SP100: variants seen among roughly 807,000 people sequenced by gnomAD.
SP100 encodes SP100 nuclear body protein, also known as nuclear autoantigen Sp-100.
A neutral mutation model predicts 130.0 loss-of-function variants in SP100; 84 were observed. The observed-to-expected ratio is 0.65, with a 90% CI of 0.54 to 0.77. The LOEUF (loss-of-function observed/expected upper bound fraction) is 0.77, where lower values mean the gene tolerates loss of function less well. Ranked by LOEUF, SP100 falls within the 30% of genes least tolerant of loss-of-function variation. The pLI, the probability that SP100 is intolerant of heterozygous loss-of-function variation, is 0.00. For missense variants in SP100, 978 were observed against 1,052.2 expected, an observed-to-expected ratio of 0.93 and a Z score of 0.97; for synonymous variants, 331 against 351.7, an observed-to-expected ratio of 0.94 and a Z score of 0.66.
intron 4 of SP100, among the ~76,000 whole-genome samples, chr2:230,446,498 G>C (rs1366345254): frequency 6.6e-6 from 1 of 152,188 alleles, no homozygotes; most frequent in Non-Finnish European, 1.5e-5. Context: ...TCTCCCCAGG[G>C]AATTCCCCAG....
Position 230,416,238 on chromosome 2 carries a change from G to A in SP100, c.-59G>A. On this transcript the variant is annotated 5_prime_UTR_variant, in exon 1 of 29. Coordinates refer to ENST00000340126, the MANE Select transcript of SP100 (RefSeq NM_001080391.2). ...GGCAGCCACACTGCACGCAGGCTGG[G>A]CCGACTGAGGGGCTCAGAGGCCAGG... 1 of 1,485,448 alleles carries A rather than the reference G, an allele frequency of 6.7e-7. No homozygotes were observed. Among genetic ancestry groups the A allele is most frequent in the Non-Finnish European group, 9.4e-7 (1 of 1,069,226 alleles). 92.0% of individuals were successfully genotyped at this position (1,485,448 alleles called of 1,614,324 possible).
chr2:230,498,056 T>C (rs905851356), intron 18 of SP100, among the ~76,000 whole-genome samples: 1 of 152,218 alleles, frequency 6.6e-6, no homozygotes, highest in Non-Finnish European at 1.5e-5. Flanking sequence ...AGTTTCTTCA[T>C]TGGTCATAGG....
chr2:230,477,504 G>T (rs182423319), intron 17 of SP100, among the ~76,000 whole-genome samples: 2 of 152,040 alleles, frequency 1.3e-5, no homozygotes, highest in Admixed American at 6.5e-5. Flanking sequence ...TCTACAGGGG[G>T]TTTGCCTTTC....
chr2:230,488,785 GT>G (rs1339871105), intron 17 of SP100, among the ~76,000 whole-genome samples: 2 of 152,160 alleles, frequency 1.3e-5, no homozygotes, highest in African/African-American at 2.4e-5. Context: ...TAATCATGTG[GT>G]TTTTGTCTTT....
At chr2:230,533,248 GTTAA>G (rs1575815466) in intron 24 of SP100, among the ~76,000 whole-genome samples, 1 of 152,174 alleles carries the variant, frequency 6.6e-6, no homozygotes, top group Non-Finnish European at 1.5e-5. Context: ...GGAGAGAAAA[GTTAA>G]TTGTCTTTAT....
At chr2:230,469,001 T>C (rs776603894) in intron 13 of SP100, 42 bp from the exon 14 acceptor site, 1 of 1,227,456 alleles carries the variant, frequency 8.1e-7, no homozygotes, top group Non-Finnish European at 1.2e-6. Flanking sequence ...TTATAGATCT[T>C]TTAGTTAGAT....
chr2:230,424,537 A>C (rs1229674701), intron 2 of SP100, among the ~76,000 whole-genome samples: 1 of 152,002 alleles, frequency 6.6e-6, no homozygotes, highest in Non-Finnish European at 1.5e-5. Flanking sequence ...GCGTGGTGGC[A>C]GGCACCTGTA....
At chr2:230,476,568 T>C (rs987622344) in intron 17 of SP100, among the ~76,000 whole-genome samples, 3 of 152,328 alleles carry the variant, frequency 2.0e-5, no homozygotes, top group Admixed American at 6.5e-5. Flanking sequence ...CTTGTGAACA[T>C]TGGTGTCTAT....
chr2:230,492,247 A>T (rs1241619607), intron 17 of SP100, among the ~76,000 whole-genome samples: 1 of 152,184 alleles, frequency 6.6e-6, no homozygotes, highest in African/African-American at 2.4e-5. Flanking sequence ...CCTATAAAAT[A>T]AACAAAGAAC....
intron 5 of SP100, 99 bp from the exon 6 acceptor site, chr2:230,448,989 C>A (rs879645547): frequency 2.2e-5 from 18 of 800,928 alleles, no homozygotes; most frequent in African/African-American, 3.4e-5. Flanking sequence ...TAGAAGGGGT[C>A]TTTAACTCCT....
At chr2:230,524,179 C>CA (rs71420292) in intron 24 of SP100, among the ~76,000 whole-genome samples, 29,168 of 74,964 alleles carry the variant, frequency 0.39, 4,576 homozygotes, top group South Asian at 0.47. Context: ...ACTAAAAATA[C>CA]AAAAAAAAAA....
intron 13 of SP100, among the ~76,000 whole-genome samples, chr2:230,468,424 G>T (rs1348422254): frequency 6.6e-6 from 1 of 152,098 alleles, no homozygotes; most frequent in Non-Finnish European, 1.5e-5. Context: ...AATATGATAA[G>T]ATTTTACACG....
At chr2:230,476,945 A>G (rs1299873614) in intron 17 of SP100, among the ~76,000 whole-genome samples, 1 of 150,188 alleles carries the variant, frequency 6.7e-6, no homozygotes, top group East Asian at 2.0e-4. Flanking sequence ...GGCTTACTGC[A>G]AGCTCTGCCT....
intron 21 of SP100, among the ~76,000 whole-genome samples, chr2:230,505,553 TCA>T (rs1182217568): frequency 1.3e-5 from 2 of 152,280 alleles, no homozygotes; most frequent in Non-Finnish European, 2.9e-5. Flanking sequence ...ATAACTTGCC[TCA>T]CTGTATTATT....
chr2:230,449,043 C>G (rs1448874385), intron 5 of SP100, 45 bp from the exon 6 acceptor site: 1 of 1,251,882 alleles, frequency 8.0e-7, no homozygotes, highest in Non-Finnish European at 1.2e-6. Flanking sequence ...ATGGCAAAAT[C>G]CATACCTCGA....
chr2:230,442,904 T>C, intron 2 of SP100, 33 bp from the exon 3 acceptor site: 3 of 1,592,070 alleles, frequency 1.9e-6, no homozygotes, highest in Non-Finnish European at 2.6e-6. Context: ...AGAATCTTGA[T>C]GACCATTTTC....
At position 230,449,118 on chromosome 2, in the gene SP100, C is replaced by T. The variant is rs1376616389; in HGVS notation, c.554C>T (p.Thr185Ile). 1.9e-6 allele frequency: 3 copies of T among 1,613,218 alleles called. No individual in the cohort carries two copies. Among genetic ancestry groups the T allele is most frequent in the Non-Finnish European group, 2.5e-6 (3 of 1,179,108 alleles). The change falls in exon 6 of 29, where the codon ACT becomes ATT. Residue 185 changes from threonine (T) to isoleucine (I), a missense_variant. Thr to Ile is a moderately conservative substitution (Grantham distance 89). Coordinates refer to ENST00000340126, the MANE Select transcript of SP100 (RefSeq NM_001080391.2). ...GGTGAAAACTCTTTTCGAAGCCTGA[C>T]TTGGCCACCTTCGGGTTCCCCATCT... ...GTGENSFRSL[T>I]WPPSGSPSHA...
rs2066823944 is a variant in SP100, at chr2:230,498,530, A to G, written c.1715A>G (p.Gln572Arg). 2 of 1,404,200 alleles carry G rather than the reference A, an allele frequency of 1.4e-6. No homozygotes were observed. Among genetic ancestry groups the G allele is most frequent in the Non-Finnish European group, 1.9e-6 (2 of 1,072,600 alleles). 87.0% of individuals were successfully genotyped at this position (1,404,200 alleles called of 1,614,324 possible). Residue 572 changes from glutamine to arginine, a missense_variant, in exon 19 of 29, where the codon CAA becomes CGA. By Grantham distance (43) the Gln-to-Arg change is conservative. Transcript: ENST00000340126. ...NNKVQKKRWQQRGRKANTRPL... is the reference protein window; with the variant it reads ...NNKVQKKRWQRRGRKANTRPL... ...AAAGTCCAAAAGAAAAGATGGCAAC[A>G]AAGAGGTAAAAAAAAAAAAATACAT...
At chr2:230,456,302 TGTTA>T (rs2064272887) in intron 8 of SP100, among the ~76,000 whole-genome samples, 1 of 152,224 alleles carries the variant, frequency 6.6e-6, no homozygotes, top group Non-Finnish European at 1.5e-5. Flanking sequence ...CTCCCTCATA[TGTTA>T]GTTGCTTCTT....
Sources: gnomAD v4.1 joint callset for allele counts (sites outside exome capture counted in the v4.1 genomes callset) on GRCh38, gnomAD v4.1.1 for gene constraint, MANE v1.5 for transcripts, NCBI Gene and HGNC (gene_info 2026-07-23, HGNC 2026-07-21) for gene names.